JAK2: variants seen among roughly 807,000 people sequenced by gnomAD.
The protein encoded by JAK2 is Janus kinase 2, also known as tyrosine-protein kinase JAK2.
In JAK2, 86 loss-of-function variants were observed where a neutral mutation model predicts 139.3. The ratio of observed to expected loss-of-function variants is 0.62; its 90% confidence interval spans 0.52 to 0.74. The LOEUF (loss-of-function observed/expected upper bound fraction) is 0.74. Among genes scored for constraint, JAK2 ranks in the 30% least tolerant of loss-of-function variants. The pLI is 0.00. For missense variants in JAK2, 1,421 were observed against 1,360.3 expected, an observed-to-expected ratio of 1.04 and a Z score of -0.70; for synonymous variants, 490 against 437.7, an observed-to-expected ratio of 1.12 and a Z score of -1.49.
At chr9:5,099,958 A>G (rs545424007) in intron 22 of JAK2, 2 of 152,300 alleles carry the variant, frequency 1.3e-5, no homozygotes, top group Admixed American at 6.5e-5. Flanking sequence ...AGGCACACCT[A>G]TGCCACTTAT....
chr9:5,042,781 C>T (rs1201149488), intron 4 of JAK2, among the ~76,000 whole-genome samples: 4 of 152,206 alleles, frequency 2.6e-5, no homozygotes, highest in African/African-American at 4.8e-5. Context: ...CCAGGCCTCC[C>T]CAAAACTAAA....
At chr9:4,993,944 G>A (rs1820412075) in intron 2 of JAK2, among the ~76,000 whole-genome samples, 1 of 152,190 alleles carries the variant, frequency 6.6e-6, no homozygotes, top group South Asian at 2.1e-4. Context: ...GTCTCAGACT[G>A]AGTGATCATG....
intron 2 of JAK2, among the ~76,000 whole-genome samples, chr9:4,995,859 CT>C (rs1227004462): frequency 4.0e-5 from 6 of 151,446 alleles, no homozygotes; most frequent in Non-Finnish European, 7.4e-5. Flanking sequence ...TTTTTTTAAA[CT>C]TTATTGTGAA....
At chr9:5,031,760 A>G (rs1823163205) in intron 4 of JAK2, among the ~76,000 whole-genome samples, 1 of 152,244 alleles carries the variant, frequency 6.6e-6, no homozygotes, top group African/African-American at 2.4e-5. Flanking sequence ...TCCTCTTAAA[A>G]TGAAAAGGCA....
In JAK2 at chr9:5,123,076, G is replaced by C; in HGVS notation, c.3132G>C (p.Leu1044=). The C allele has an allele frequency of 1.9e-6, 3 of 1,611,404 alleles. No individual in the cohort carries two copies. The highest frequency in any genetic ancestry group is 2.5e-6 in the Non-Finnish European group (3 of 1,178,368). ...ATGTTTGGAGCTTTGGAGTGGTTCTGTATGAACTTTTCACATACATTGAGA... is the reference window on the plus strand; with the variant it reads ...ATGTTTGGAGCTTTGGAGTGGTTCTCTATGAACTTTTCACATACATTGAGA... The part of the protein sequence containing the change: ...ASDVWSFGVV[L]YELFTYIEKS... Residue 1044 remains leucine, a synonymous_variant, in exon 23 of 25, where the codon CTG becomes CTC. Transcript: ENST00000381652.
At chr9:5,103,807 C>A (rs146051909) in intron 22 of JAK2, among the ~76,000 whole-genome samples, 1,603 of 152,180 alleles carry the variant, frequency 0.011, 63 homozygotes, top group East Asian at 0.1. Flanking sequence ...CAACCTGCTC[C>A]TGAATGACTA....
At chr9:4,987,684 C>G (rs1470810641) in intron 2 of JAK2, among the ~76,000 whole-genome samples, 1 of 88,258 alleles carries the variant, frequency 1.1e-5, no homozygotes, top group Non-Finnish European at 2.3e-5. Context: ...TGCAGTGAGC[C>G]GAGATCTCAC....
intron 2 of JAK2, among the ~76,000 whole-genome samples, chr9:5,012,721 T>G (rs1821781949): frequency 6.6e-6 from 1 of 152,208 alleles, no homozygotes; most frequent in Non-Finnish European, 1.5e-5. Context: ...GCAGATGAGG[T>G]TCTTTGTTGA....
chr9:5,061,316 C>T (rs1191108238), intron 8 of JAK2, among the ~76,000 whole-genome samples: 1 of 152,210 alleles, frequency 6.6e-6, no homozygotes, highest in Non-Finnish European at 1.5e-5. Context: ...CTGTGGAAGT[C>T]CTAGATGGCA....
At chr9:5,052,178 G>A (rs1161941710) in intron 6 of JAK2, among the ~76,000 whole-genome samples, 1 of 152,074 alleles carries the variant, frequency 6.6e-6, no homozygotes. Flanking sequence ...TTAAGCTATC[G>A]TGGAATATTT....
At chr9:5,107,116 T>C (rs1822026309) in intron 22 of JAK2, among the ~76,000 whole-genome samples, 1 of 152,196 alleles carries the variant, frequency 6.6e-6, no homozygotes, top group African/African-American at 2.4e-5. Context: ...AGATGTAGTA[T>C]GACTATTCTT....
intron 2 of JAK2, among the ~76,000 whole-genome samples, chr9:5,020,603 A>G (rs932212637): frequency 2.6e-5 from 4 of 152,098 alleles, no homozygotes; most frequent in African/African-American, 7.2e-5. Context: ...GAGGCTGTAG[A>G]TGTGATGAAG....
chr9:5,037,109 C>G (rs571107230), intron 4 of JAK2, among the ~76,000 whole-genome samples: 100 of 152,290 alleles, frequency 6.6e-4, no homozygotes, highest in Middle Eastern at 3.4e-3. Context: ...TGAAAAAATG[C>G]TCATCACCAC....
At chr9:5,008,698 T>A (rs1039258858) in intron 2 of JAK2, among the ~76,000 whole-genome samples, 1 of 152,188 alleles carries the variant, frequency 6.6e-6, no homozygotes, top group African/African-American at 2.4e-5. Flanking sequence ...TTGCTTTGAT[T>A]TGTATCGGTA....
At chr9:5,018,995 T>G (rs1204736499) in intron 2 of JAK2, among the ~76,000 whole-genome samples, 3 of 152,226 alleles carry the variant, frequency 2.0e-5, no homozygotes, top group African/African-American at 2.4e-5. Flanking sequence ...CTCTTTGTCT[T>G]TGACAAACTG....
intron 8 of JAK2, among the ~76,000 whole-genome samples, chr9:5,063,732 C>T (rs1475361785): frequency 6.6e-6 from 1 of 152,066 alleles, no homozygotes; most frequent in Non-Finnish European, 1.5e-5. Flanking sequence ...ATATTGCATC[C>T]TCTTTGTTAC....
chr9:5,115,652 G>A (rs185340735), intron 22 of JAK2, among the ~76,000 whole-genome samples: 9 of 152,250 alleles, frequency 5.9e-5, no homozygotes, highest in African/African-American at 1.9e-4. Context: ...CAAAGACTTG[G>A]AACCAACCCA....
chr9:4,984,821 A>G (rs2129652126), upstream of JAK2: 1 of 152,130 alleles, frequency 6.6e-6, no homozygotes, highest in Non-Finnish European at 1.5e-5. Context: ...ACACCCGCCC[A>G]TCTAGTGAGG....
At chr9:5,126,480 C>A in intron 24 of JAK2, 34 bp downstream of exon 24, 1 of 1,408,408 alleles carries the variant, frequency 7.1e-7, no homozygotes, top group Non-Finnish European at 9.9e-7. Flanking sequence ...GGTAGTCATG[C>A]ATTTTCTTTT....
Sources: gnomAD v4.1 joint callset for allele counts (sites outside exome capture counted in the v4.1 genomes callset) on GRCh38, gnomAD v4.1.1 for gene constraint, MANE v1.5 for transcripts, NCBI Gene and HGNC (gene_info 2026-07-23, HGNC 2026-07-21) for gene names.